The following SLC9A3 variants were observed in gnomAD, a reference collection of about 807,000 sequenced individuals.
The protein encoded by SLC9A3 is sodium/hydrogen exchanger 3.
In SLC9A3, 37 loss-of-function variants were observed where a neutral mutation model predicts 86.8. That is an observed-to-expected ratio of 0.43 (90% CI 0.33 to 0.56). SLC9A3 has a LOEUF of 0.56. Among genes scored for constraint, SLC9A3 ranks in the 20% least tolerant of loss-of-function variants. The pLI is 0.06. For missense variants in SLC9A3, 1,011 were observed against 1,171.9 expected, an observed-to-expected ratio of 0.86 and a Z score of 2.00; for synonymous variants, 581 against 528.3, an observed-to-expected ratio of 1.10 and a Z score of -1.37.
intron 1 of SLC9A3, among the ~76,000 whole-genome samples, chr5:504,566 C>T (rs1024957779): frequency 2.0e-5 from 3 of 152,192 alleles, no homozygotes; most frequent in East Asian, 1.9e-4. Flanking sequence ...TCAGGCTCCC[C>T]GGGCTCACGG....
At position 491,678 on chromosome 5, in the gene SLC9A3, T is replaced by C. The variant is rs1191156273; in HGVS notation, c.514+91A>G. On this transcript the variant is annotated intron_variant, in intron 2 of 16. Coordinates refer to ENST00000264938, the MANE Select transcript of SLC9A3 (RefSeq NM_004174.4). The surrounding 1 kb of genome is among the most constrained non-coding windows in gnomAD (Gnocchi z 9.2). ...GACACTTACCGCCTGGAGGCCAGGGTGCGGCACCCCGACCTTTCTGAGATG... is the reference window on the plus strand; with the variant it reads ...GACACTTACCGCCTGGAGGCCAGGGCGCGGCACCCCGACCTTTCTGAGATG... 2 of 1,206,694 alleles carry C rather than the reference T, an allele frequency of 1.7e-6. No individual in the cohort carries two copies. The highest frequency in any genetic ancestry group is 2.3e-6 in the Non-Finnish European group (2 of 881,462). The allele number at this position is 1,206,694 out of a possible 1,614,324, so 74.7% of individuals were successfully genotyped here. A position where few individuals can be genotyped will look rare whatever the true frequency, so the allele number is the denominator to read the frequency against.
intron 4 of SLC9A3, 103 bp downstream of exon 4, chr5:485,050 C>T (rs1486799308): frequency 1.1e-6 from 1 of 888,766 alleles, no homozygotes; most frequent in Non-Finnish European, 1.9e-6. Context: ...AGTGTAGCAG[C>T]TTTGAGTGCA....
rs1738366588 is a variant in SLC9A3, at chr5:471,710, T to G, written c.*1669A>C. 1 of 443,806 alleles carries G rather than the reference T, an allele frequency of 2.3e-6. No homozygotes were observed. Among genetic ancestry groups the G allele is most frequent in the Non-Finnish European group, 4.6e-6 (1 of 219,510 alleles). The allele number at this position is 443,806 out of a possible 1,614,324, so 27.5% of individuals were successfully genotyped here. ...GCTACGAAGTGTGGAGAATAACCACTGAATCCCAAAAAGTCACTGCGCTTG... is the reference window on the plus strand; with the variant it reads ...GCTACGAAGTGTGGAGAATAACCACGGAATCCCAAAAAGTCACTGCGCTTG... On this transcript the variant is annotated 3_prime_UTR_variant, in exon 17 of 17. Coordinates refer to ENST00000264938, the MANE Select transcript of SLC9A3 (RefSeq NM_004174.4).
chr5:499,433 CT>C (rs1740165599), intron 1 of SLC9A3, among the ~76,000 whole-genome samples: 1 of 152,268 alleles, frequency 6.6e-6, no homozygotes, highest in African/African-American at 2.4e-5. Flanking sequence ...CTGGGGGCAT[CT>C]GCCGGCACCA....
chr5:479,213 G>A (rs1579771249), intron 10 of SLC9A3: 1 of 153,074 alleles, frequency 6.5e-6, no homozygotes, highest in Non-Finnish European at 1.5e-5. Flanking sequence ...TGCAGCCAGG[G>A]CGCCCCTGGG....
At chr5:506,303 G>GACGCGCCC (rs1560970542) in intron 1 of SLC9A3, among the ~76,000 whole-genome samples, 1 of 152,206 alleles carries the variant, frequency 6.6e-6, no homozygotes, top group African/African-American at 2.4e-5. Context: ...AAAGGGGCCC[G>GACGCGCCC]AGACGGGGGC....
At chr5:500,681 T>C (rs57364799) in intron 1 of SLC9A3, among the ~76,000 whole-genome samples, 6 of 23,484 alleles carry the variant, frequency 2.6e-4, no homozygotes, top group Admixed American at 1.2e-3. Context: ...CTGGTGTGGA[T>C]GGGGCCGTGT....
intron 1 of SLC9A3, among the ~76,000 whole-genome samples, chr5:509,368 C>T (rs997624001): frequency 6.6e-6 from 1 of 151,688 alleles, no homozygotes; most frequent in Non-Finnish European, 1.5e-5. Context: ...GCATAAGAAT[C>T]GCTTGAAGCC....
chr5:501,111 G>A (rs1347202603), intron 1 of SLC9A3, among the ~76,000 whole-genome samples: 2 of 152,184 alleles, frequency 1.3e-5, no homozygotes, highest in Non-Finnish European at 2.9e-5. Context: ...GACGCTTTTA[G>A]TTCTAATTAC....
At chr5:478,694 G>A (rs78212459) in intron 10 of SLC9A3, 1 of 154,750 alleles carries the variant, frequency 6.5e-6, no homozygotes, top group East Asian at 1.9e-4. Context: ...ACCTATGTGG[G>A]GGTGAGGGGA....
At chr5:476,173 C>G (rs763380922) in intron 13 of SLC9A3, 29 bp downstream of exon 13, 22 of 1,612,754 alleles carry the variant, frequency 1.4e-5, no homozygotes, top group Non-Finnish European at 1.6e-5. Context: ...GCCCCAGCCC[C>G]GCCAAGCCTC....
Position 472,801 on chromosome 5 carries a change from C to G in SLC9A3, c.*578G>C, listed in dbSNP as rs757122209. The G allele has an allele frequency of 1.1e-4, 66 of 574,220 alleles. 1 individual carries two copies. Among genetic ancestry groups the G allele is most frequent in the South Asian group, 9.9e-4 (65 of 65,424 alleles). The allele number at this position is 574,220 out of a possible 1,614,324, so 35.6% of individuals were successfully genotyped here. On this transcript the variant is annotated 3_prime_UTR_variant, in exon 17 of 17. Transcript: ENST00000264938. ...CCTGGCGCTCGGGAGGTCCCTGAGT[C>G]GGTCCCCGAGTCAGTCCCCGGGCGC...
chr5:473,142 T>C lies in SLC9A3; in HGVS notation c.*237A>G, dbSNP rs953618107. On this transcript the variant is annotated 3_prime_UTR_variant, in exon 17 of 17. Transcript: ENST00000264938. ...GTGCGCACTCGGCAGCCCTCGGCGC[T>C]CCGGCCCCGCCCCCGGCGCAGGCCC... 2 of 161,774 alleles carry C rather than the reference T, an allele frequency of 1.2e-5. No homozygotes were observed. The highest frequency in any genetic ancestry group is 1.9e-5 in the Non-Finnish European group (2 of 104,156). The allele number at this position is 161,774 out of a possible 1,614,324, so 10.0% of individuals were successfully genotyped here.
chr5:492,669 C>G (rs1025103208), intron 1 of SLC9A3, among the ~76,000 whole-genome samples: 3 of 150,524 alleles, frequency 2.0e-5, no homozygotes, highest in Non-Finnish European at 3.0e-5. Context: ...CGGGGGGGGG[C>G]CTCTGACCTG....
At chr5:493,076 A>C (rs1254560678) in intron 1 of SLC9A3, among the ~76,000 whole-genome samples, 1 of 151,264 alleles carries the variant, frequency 6.6e-6, no homozygotes, top group Non-Finnish European at 1.5e-5. Flanking sequence ...GCAGGCACCA[A>C]CCTATCTGGG....
In SLC9A3 at chr5:491,373, C is replaced by T. The variant is rs368013248; in HGVS notation, c.514+396G>A. ...GGCTGTGGCTGCAGCGGTGGCCGAG[C>T]GGCTCCGGCACACAGGCTGGGAGGG... On this transcript the variant is annotated intron_variant, in intron 2 of 16. Transcript: ENST00000264938. The surrounding 1 kb of genome is among the most constrained non-coding windows in gnomAD (Gnocchi z 9.2). Among the ~76,000 whole-genome samples, 17 of 152,134 alleles carry T rather than the reference C, an allele frequency of 1.1e-4. No homozygotes were observed. The highest frequency in any genetic ancestry group is 2.1e-4 in the South Asian group (1 of 4,826).
At chr5:511,898 A>G (rs947488472) in intron 1 of SLC9A3, among the ~76,000 whole-genome samples, 1 of 152,290 alleles carries the variant, frequency 6.6e-6, no homozygotes, top group Non-Finnish European at 1.5e-5. Flanking sequence ...GTAGATGGAT[A>G]GATCCAGACA....
chr5:494,466 G>A (rs1739930677), intron 1 of SLC9A3, among the ~76,000 whole-genome samples: 1 of 152,248 alleles, frequency 6.6e-6, no homozygotes, highest in African/African-American at 2.4e-5. Context: ...GCTGGCATGG[G>A]AGTCTGCACA....
At position 482,766 on chromosome 5, in the gene SLC9A3, C is replaced by T. The variant is rs3777233; in HGVS notation, c.1154-16G>A. ...AGGACCACACCTGCGGATGATGGGG[C>T]GGGCACTCAGCTCCCCGGCCGCCCT... On this transcript the variant is annotated splice_polypyrimidine_tract_variant and intron_variant, in intron 6 of 16. Coordinates refer to ENST00000264938, the MANE Select transcript of SLC9A3 (RefSeq NM_004174.4). 20,559 of 1,579,500 alleles carry T rather than the reference C, an allele frequency of 0.013. 351 individuals are homozygous for T. The highest frequency in any genetic ancestry group is 0.069 in the East Asian group (2,989 of 43,304).
Sources: gnomAD v4.1 joint callset for allele counts (sites outside exome capture counted in the v4.1 genomes callset) on GRCh38, gnomAD v4.1.1 for gene constraint, Gnocchi (gnomAD v3.1) non-coding constraint, MANE v1.5 for transcripts, NCBI Gene and HGNC (gene_info 2026-07-23, HGNC 2026-07-21) for gene names.